The following ZPBP variants were observed in gnomAD, a reference collection of about 807,000 sequenced individuals.
ZPBP encodes the protein zona pellucida-binding protein 1.
Under a neutral mutation model 44.8 loss-of-function variants are expected in ZPBP, and 26 were observed. The ratio of observed to expected loss-of-function variants is 0.58; its 90% confidence interval spans 0.43 to 0.81. The LOEUF is 0.81. Among genes scored for constraint, ZPBP ranks in the 30% least tolerant of loss-of-function variants. The pLI is 0.00. For missense variants in ZPBP, 409 were observed against 434.0 expected, an observed-to-expected ratio of 0.94 and a Z score of 0.51; for synonymous variants, 174 against 153.2, an observed-to-expected ratio of 1.14 and a Z score of -1.00.
chr7:50,055,102 C>T (rs1055411513), intron 4 of ZPBP, among the ~76,000 whole-genome samples: 2 of 152,110 alleles, frequency 1.3e-5, no homozygotes, highest in Admixed American at 1.3e-4. Context: ...TTACAGAATT[C>T]ATCTTTCTGA....
intron 7 of ZPBP, among the ~76,000 whole-genome samples, chr7:49,946,098 A>G (rs1795092437): frequency 6.6e-6 from 1 of 152,122 alleles, no homozygotes; most frequent in African/African-American, 2.4e-5. Context: ...AACTAGTAAA[A>G]AACTCTACAG....
chr7:49,899,443 G>A (rs1391589150), intron 2 of ZPBP, among the ~76,000 whole-genome samples: 5 of 152,030 alleles, frequency 3.3e-5, no homozygotes, highest in Non-Finnish European at 5.9e-5. Context: ...TGGATAAAAA[G>A]GGACTACTAT....
chr7:49,846,268 C>T (rs1356897770), downstream of ZPBP, among the ~76,000 whole-genome samples: 1 of 152,158 alleles, frequency 6.6e-6, no homozygotes, highest in East Asian at 1.9e-4. Flanking sequence ...GCCACTTCCT[C>T]TGTGGTAAAT....
chr7:49,924,916 T>C (rs1008390010), intron 1 of ZPBP, among the ~76,000 whole-genome samples: 1 of 152,160 alleles, frequency 6.6e-6, no homozygotes, highest in African/African-American at 2.4e-5. Flanking sequence ...GCACCGACCA[T>C]AAACACTCCA....
At chr7:49,880,257 T>C (rs1791607276) in intron 2 of ZPBP, among the ~76,000 whole-genome samples, 1 of 152,176 alleles carries the variant, frequency 6.6e-6, no homozygotes, top group Non-Finnish European at 1.5e-5. Context: ...TGTTGACACA[T>C]TTCCATATAT....
At chr7:49,853,304 C>T (rs1790273065) in intron 2 of ZPBP, among the ~76,000 whole-genome samples, 1 of 152,226 alleles carries the variant, frequency 6.6e-6, no homozygotes, top group African/African-American at 2.4e-5. Flanking sequence ...GGCCGGCCCC[C>T]AGCACTTGCC....
At chr7:49,969,782 A>G (rs1262051677) in intron 7 of ZPBP, among the ~76,000 whole-genome samples, 1 of 151,316 alleles carries the variant, frequency 6.6e-6, no homozygotes, top group African/African-American at 2.4e-5. Context: ...TTTAAGAGTA[A>G]AAAAGTTTAT....
chr7:49,928,464 C>T (rs928344042), intron 1 of ZPBP, among the ~76,000 whole-genome samples: 3 of 152,306 alleles, frequency 2.0e-5, no homozygotes, highest in Non-Finnish European at 2.9e-5. Context: ...TTCTCAGAGC[C>T]TTATCTATTG....
chr7:49,916,368 A>T (rs1793724957), intron 1 of ZPBP: 1 of 152,130 alleles, frequency 6.6e-6, no homozygotes, highest in South Asian at 2.1e-4. Flanking sequence ...ACTATCTCAG[A>T]TCCTGCCCTG....
chr7:49,981,455 AT>A (rs1796923571), intron 7 of ZPBP, among the ~76,000 whole-genome samples: 1 of 17,312 alleles, frequency 5.8e-5, no homozygotes, highest in Non-Finnish European at 8.2e-5. Flanking sequence ...TTATGTACAT[AT>A]AATAATATAT....
intron 2 of ZPBP, among the ~76,000 whole-genome samples, chr7:50,083,188 C>A (rs1429024992): frequency 6.6e-6 from 1 of 151,806 alleles, no homozygotes; most frequent in Non-Finnish European, 1.5e-5. Context: ...TAAATGAATC[C>A]AGAAGAGTTT....
At chr7:50,031,012 T>C in intron 5 of ZPBP, 80 bp downstream of exon 5, 1 of 1,182,844 alleles carries the variant, frequency 8.5e-7, no homozygotes, top group East Asian at 2.3e-5. Context: ...ATCATAAAAA[T>C]GCTGTGAGTA....
At chr7:50,049,661 T>C (rs1333699618) in intron 4 of ZPBP, among the ~76,000 whole-genome samples, 1 of 152,030 alleles carries the variant, frequency 6.6e-6, no homozygotes, top group African/African-American at 2.4e-5. Context: ...AGGGAATTTC[T>C]TCCATCTGAT....
intron 2 of ZPBP, among the ~76,000 whole-genome samples, chr7:49,880,857 T>C (rs1179700419): frequency 1.3e-5 from 2 of 152,250 alleles, no homozygotes; most frequent in East Asian, 1.9e-4. Context: ...GCCTATGACA[T>C]GGAATACTGT....
intron 3 of ZPBP, among the ~76,000 whole-genome samples, chr7:50,080,508 G>T (rs1373864149): frequency 6.6e-6 from 1 of 151,572 alleles, no homozygotes; most frequent in African/African-American, 2.4e-5. Context: ...ACCTGGCGTT[G>T]CACCTCGGAG....
At chr7:49,991,607 A>G (rs937326203) in intron 6 of ZPBP, among the ~76,000 whole-genome samples, 1 of 152,152 alleles carries the variant, frequency 6.6e-6, no homozygotes, top group African/African-American at 2.4e-5. Context: ...TGAAACTTGC[A>G]CTAGAAAATC....
intron 2 of ZPBP, among the ~76,000 whole-genome samples, chr7:49,895,283 T>A (rs1792326588): frequency 6.6e-6 from 1 of 152,198 alleles, no homozygotes; most frequent in Non-Finnish European, 1.5e-5. Context: ...ATGAGGGCTC[T>A]GCCCTCATGA....
chr7:50,031,793 T>A (rs950723864), intron 4 of ZPBP, among the ~76,000 whole-genome samples: 8 of 152,100 alleles, frequency 5.3e-5, no homozygotes, highest in Middle Eastern at 6.8e-3. Context: ...ACACAATTAG[T>A]TTTATTGAGT....
chr7:49,984,815 C>T (rs1797183028), intron 6 of ZPBP, among the ~76,000 whole-genome samples: 1 of 152,096 alleles, frequency 6.6e-6, no homozygotes, highest in African/African-American at 2.4e-5. Context: ...GGGTTCCATC[C>T]CCATGATATC....
Sources: allele counts gnomAD v4.1 joint callset (sites outside exome capture counted in the v4.1 genomes callset), GRCh38; gene constraint gnomAD v4.1.1; transcripts MANE v1.5; gene names NCBI Gene and HGNC (gene_info 2026-07-23, HGNC 2026-07-21).